GLIS3: variants seen among roughly 807,000 people sequenced by gnomAD.
The protein encoded by GLIS3 is GLIS family zinc finger 3, also known as zinc finger protein GLIS3.
GLIS3 carries 53 observed loss-of-function variants against 78.6 expected under a neutral mutation model. The ratio of observed to expected loss-of-function variants is 0.67; its 90% confidence interval spans 0.54 to 0.85. GLIS3 has a LOEUF of 0.85. Among genes scored for constraint, GLIS3 ranks in the 40% least tolerant of loss-of-function variants. GLIS3 has a pLI of 0.00. For missense variants in GLIS3, 1,703 were observed against 1,231.1 expected (o/e 1.38, Z -5.74); for synonymous variants, 684 against 509.9 (o/e 1.34, Z -4.60).
chr9:4,280,510 C>T (rs1006131902), intron 2 of GLIS3, among the ~76,000 whole-genome samples: 3 of 150,670 alleles, frequency 2.0e-5, no homozygotes, highest in African/African-American at 4.9e-5. Flanking sequence ...AGGCAAAATG[C>T]AAAAAAAAGT....
rs1487518946 is a variant in GLIS3, at chr9:3,927,202, G to A, written c.1983+5158C>T. 2.6e-5 allele frequency among the ~76,000 whole-genome samples: 4 copies of A among 152,144 alleles called. No homozygotes were observed. The South Asian group carries it at 6.2e-4, about 24-fold the overall frequency. ...CTGGATCTAACCTAGTGCCTGACACGCAGTAAGTACTCAATAAATATCTGT... is the reference window on the plus strand; with the variant it reads ...CTGGATCTAACCTAGTGCCTGACACACAGTAAGTACTCAATAAATATCTGT... On this transcript the variant is annotated intron_variant, in intron 6 of 10. Coordinates refer to ENST00000381971, the MANE Select transcript of GLIS3 (RefSeq NM_001042413.2).
chr9:4,226,650 G>T (rs1401342048), intron 2 of GLIS3, among the ~76,000 whole-genome samples: 1 of 152,150 alleles, frequency 6.6e-6, no homozygotes, highest in East Asian at 1.9e-4. Context: ...AGATAGCAAG[G>T]TCTCAAGAGA....
At chr9:4,319,933 G>C (rs1374306866) in intron 2 of GLIS3, among the ~76,000 whole-genome samples, 3 of 151,836 alleles carry the variant, frequency 2.0e-5, no homozygotes, top group Admixed American at 6.6e-5. Context: ...TCACAGATTT[G>C]TTTTGTTCGG....
At chr9:3,904,905 C>T (rs1251504563) in intron 6 of GLIS3, among the ~76,000 whole-genome samples, 1 of 152,102 alleles carries the variant, frequency 6.6e-6, no homozygotes, top group African/African-American at 2.4e-5. Context: ...CAGCCCACCC[C>T]CAACTTTCTC....
chr9:4,018,630 C>T (rs1279978226), intron 4 of GLIS3, among the ~76,000 whole-genome samples: 1 of 152,072 alleles, frequency 6.6e-6, no homozygotes, highest in Non-Finnish European at 1.5e-5. Context: ...GTTTCCAAAT[C>T]AAAGGAGCAA....
At chr9:4,019,037 G>A (rs1035890448) in intron 4 of GLIS3, among the ~76,000 whole-genome samples, 4 of 152,216 alleles carry the variant, frequency 2.6e-5, no homozygotes, top group South Asian at 2.1e-4. Flanking sequence ...AGAAGGTGAC[G>A]TGAGTCAAGC....
At position 4,169,966 on chromosome 9, in the gene GLIS3, A is replaced by T. The variant is rs188990418; in HGVS notation, c.389-44025T>A. ...TTCTCTTAGACACAAGCGTCCTCAC[A>T]TCAAAATGAAAAAGGGATACGCCAG... is the stretch of plus-strand genomic sequence containing the variant. On this transcript the variant is annotated intron_variant, in intron 2 of 10. Transcript: ENST00000381971. Among the ~76,000 whole-genome samples, 191 of 152,318 alleles carry T rather than the reference A, an allele frequency of 1.3e-3. 2 individuals are homozygous for T. The highest frequency in any genetic ancestry group is 4.1e-3 in the African/African-American group (172 of 41,578).
chr9:4,160,846 G>C (rs1352030746), intron 2 of GLIS3, among the ~76,000 whole-genome samples: 4 of 152,146 alleles, frequency 2.6e-5, no homozygotes, highest in Non-Finnish European at 4.4e-5. Flanking sequence ...TGGTAAACCA[G>C]GTAGTCACCT....
Position 4,274,438 on chromosome 9 carries a change from CA to C in GLIS3, c.388+11599del, listed in dbSNP as rs1563877617. Among the ~76,000 whole-genome samples the C allele has an allele frequency of 1.1e-4, 16 of 152,174 alleles. No individual in the cohort carries two copies. The South Asian group carries it at 3.3e-3, about 32-fold the overall frequency. On this transcript the variant is annotated intron_variant, in intron 2 of 10. Coordinates refer to ENST00000381971, the MANE Select transcript of GLIS3 (RefSeq NM_001042413.2). ...GCAAGCGCAGACCCTCAAAGGTGCCCAGAGCCTCACTGGCAATTGGGCATAT... is the reference window on the plus strand; with the variant it reads ...GCAAGCGCAGACCCTCAAAGGTGCCCGAGCCTCACTGGCAATTGGGCATAT...
Position 4,339,540 on chromosome 9 carries a change from G to C in GLIS3, n.264+7541C>G, listed in dbSNP as rs76866902. On this transcript the variant is annotated intron_variant and non_coding_transcript_variant, in intron 2 of 4. Transcript: ENST00000471664. ...GAGGCCAAATAGGTGCAGAGGTTTG[G>C]ATTGCTAACCGGAAAGAACCTCTCC... is the stretch of plus-strand genomic sequence containing the variant. Among the ~76,000 whole-genome samples the C allele has an allele frequency of 6.3e-3, 955 of 151,370 alleles. 12 individuals are homozygous for C. The highest frequency in any genetic ancestry group is 0.021 in the African/African-American group (874 of 41,188).
intron 2 of GLIS3, among the ~76,000 whole-genome samples, chr9:4,329,433 C>T (rs1419881324): frequency 6.6e-6 from 1 of 151,706 alleles, no homozygotes; most frequent in African/African-American, 2.4e-5. Context: ...ATAAAATGCC[C>T]CCCAGTGGTA....
chr9:4,041,087 T>C (rs1456485879), intron 4 of GLIS3, among the ~76,000 whole-genome samples: 1 of 152,234 alleles, frequency 6.6e-6, no homozygotes, highest in Non-Finnish European at 1.5e-5. Context: ...ACACAGGACA[T>C]CTGCAAGGCA....
the GLIS3 span, among the ~76,000 whole-genome samples, chr9:4,380,543 T>C: frequency 6.6e-6 from 1 of 152,194 alleles, no homozygotes; most frequent in Non-Finnish European, 1.5e-5. Context: ...ATAATCAGAA[T>C]CACATAGGAG....
chr9:4,261,525 G>C (rs945446244), intron 2 of GLIS3, among the ~76,000 whole-genome samples: 3 of 152,144 alleles, frequency 2.0e-5, no homozygotes, highest in African/African-American at 4.8e-5. Context: ...TTACTGCTCA[G>C]AGTAATTCTG....
chr9:3,905,193 T>C (rs1243152019), intron 6 of GLIS3, among the ~76,000 whole-genome samples: 1 of 130,028 alleles, frequency 7.7e-6, no homozygotes, highest in Non-Finnish European at 1.6e-5. Flanking sequence ...GGTTTCACCA[T>C]GTTAGCTAGG....
chr9:4,112,526 C>G (rs1459691213), intron 4 of GLIS3, among the ~76,000 whole-genome samples: 9 of 152,166 alleles, frequency 5.9e-5, no homozygotes, highest in Non-Finnish European at 1.5e-5. Flanking sequence ...AGCTGCATCC[C>G]AGGCCAATTA....
intron 2 of GLIS3, among the ~76,000 whole-genome samples, chr9:4,332,502 T>C (rs1485040499): frequency 6.6e-6 from 1 of 152,198 alleles, no homozygotes; most frequent in African/African-American, 2.4e-5. Context: ...TGTCTTCCTC[T>C]CTCCCGTCTT....
intron 2 of GLIS3, among the ~76,000 whole-genome samples, chr9:4,158,439 C>T (rs552859446): frequency 3.9e-5 from 6 of 152,068 alleles, no homozygotes; most frequent in East Asian, 3.9e-4. Context: ...CAGGAAGGGT[C>T]GAGATTAAGA....
chr9:4,243,378 T>A (rs1435138886), intron 2 of GLIS3, among the ~76,000 whole-genome samples: 1 of 121,040 alleles, frequency 8.3e-6, no homozygotes, highest in East Asian at 2.6e-4. Context: ...ATATACATGT[T>A]TACACATGCA....
Sources: gnomAD v4.1 joint callset for allele counts (sites outside exome capture counted in the v4.1 genomes callset) on GRCh38, gnomAD v4.1.1 for gene constraint, MANE v1.5 for transcripts, NCBI Gene and HGNC (gene_info 2026-07-23, HGNC 2026-07-21) for gene names.